The following ATP6V0A2 variants were observed in gnomAD, a reference collection of about 807,000 sequenced individuals.
ATP6V0A2 encodes V-type proton ATPase 116 kDa subunit a 2.
A neutral mutation model predicts 104.4 loss-of-function variants in ATP6V0A2; 58 were observed. That is an observed-to-expected ratio of 0.56 (90% CI 0.45 to 0.69). ATP6V0A2 has a LOEUF of 0.69. Ranked by LOEUF, ATP6V0A2 falls within the 30% of genes least tolerant of loss-of-function variation. The pLI is 0.00. For missense variants in ATP6V0A2, 938 were observed against 1,062.9 expected (o/e 0.88, Z 1.63); for synonymous variants, 376 against 397.9 (o/e 0.95, Z 0.65).
rs1016848989 is a variant in ATP6V0A2, at chr12:123,760,841, T to G, written c.*2809T>G. The G allele has an allele frequency of 6.6e-6, 1 of 152,188 alleles. No homozygotes were observed. The highest frequency in any genetic ancestry group is 2.4e-5 in the African/African-American group (1 of 41,446). The allele number at this position is 152,188 out of a possible 1,614,324, so 9.4% of individuals were successfully genotyped here. A position where few individuals can be genotyped will look rare whatever the true frequency, so the allele number is the denominator to read the frequency against. On this transcript the variant is annotated 3_prime_UTR_variant, in exon 20 of 20. Coordinates refer to ENST00000330342, the MANE Select transcript of ATP6V0A2 (RefSeq NM_012463.4). Reference sequence around the variant, plus strand: ...CCTCTTTCGCTGAATGCTGCTCTGTTTCTGGAATGGATATTTTATAACAAC... The same window carrying G: ...CCTCTTTCGCTGAATGCTGCTCTGTGTCTGGAATGGATATTTTATAACAAC...
intron 18 of ATP6V0A2, among the ~76,000 whole-genome samples, chr12:123,755,174 C>T (rs945248947): frequency 2.6e-5 from 4 of 152,214 alleles, no homozygotes; most frequent in East Asian, 1.9e-4. Context: ...CAGTGGTGCT[C>T]GGCAATGTTT....
Position 123,726,415 on chromosome 12 carries a change from T to G in ATP6V0A2, c.521+130T>G, listed in dbSNP as rs893717793. 25 of 720,774 alleles carry G rather than the reference T, an allele frequency of 3.5e-5. No individual in the cohort carries two copies. In the Admixed American group the frequency reaches 5.2e-4, roughly 15 times the overall value. The allele number at this position is 720,774 out of a possible 1,614,324, so 44.6% of individuals were successfully genotyped here. ...TGAATGAAACATAGTGAATATTTGT[T>G]TAAGAAACACTGTATTCCTGTACTT... On this transcript the variant is annotated intron_variant, in intron 5 of 19. Coordinates refer to ENST00000330342, the MANE Select transcript of ATP6V0A2 (RefSeq NM_012463.4).
chr12:123,756,519 T>C, intron 18 of ATP6V0A2: 2 of 360,690 alleles, frequency 5.5e-6, no homozygotes, highest in South Asian at 9.1e-5. Flanking sequence ...TGTTTCTGGC[T>C]GCCTGGTCCA....
chr12:123,717,570 G>C (rs1956356521), intron 1 of ATP6V0A2, among the ~76,000 whole-genome samples: 1 of 150,614 alleles, frequency 6.6e-6, no homozygotes, highest in South Asian at 2.1e-4. Flanking sequence ...ACAGCCTTCT[G>C]AGCAACTGGG....
intron 16 of ATP6V0A2, among the ~76,000 whole-genome samples, chr12:123,751,862 C>CTT (rs34862238): frequency 0.033 from 4,036 of 123,400 alleles, 179 homozygotes; most frequent in South Asian, 0.049. Context: ...TTCTTTCTTT[C>CTT]TTTTTTTTTT....
At position 123,747,602 on chromosome 12, in the gene ATP6V0A2, T is replaced by G. The variant is rs781485219; in HGVS notation, c.1606-5T>G. 9 of 1,593,842 alleles carry G rather than the reference T, an allele frequency of 5.6e-6. No homozygotes were observed. In the South Asian group the frequency reaches 9.9e-5, roughly 18 times the overall value. Reference sequence around the variant, plus strand: ...TCTGTTTTGTCTTGTTTGGTTTGGTTTTAGATTTGGAACTTGGCCACAAAT... The same window carrying G: ...TCTGTTTTGTCTTGTTTGGTTTGGTGTTAGATTTGGAACTTGGCCACAAAT... On this transcript the variant is annotated splice_polypyrimidine_tract_variant and splice_region_variant and intron_variant, in intron 13 of 19. Coordinates refer to ENST00000330342, the MANE Select transcript of ATP6V0A2 (RefSeq NM_012463.4).
chr12:123,731,016 A>C (rs1213941566), intron 6 of ATP6V0A2: 1 of 152,194 alleles, frequency 6.6e-6, no homozygotes, highest in Non-Finnish European at 1.5e-5. Flanking sequence ...TCTTATGCCA[A>C]ATTTTTATGG....
intron 1 of ATP6V0A2, among the ~76,000 whole-genome samples, chr12:123,714,178 C>T (rs528419996): frequency 2.0e-5 from 3 of 152,322 alleles, no homozygotes; most frequent in South Asian, 2.1e-4. Context: ...TTTGAGCAAA[C>T]GTACTAATCA....
intron 7 of ATP6V0A2, among the ~76,000 whole-genome samples, chr12:123,734,999 A>T (rs1371571230): frequency 1.3e-5 from 2 of 152,170 alleles, no homozygotes; most frequent in Non-Finnish European, 2.9e-5. Context: ...TTAACATATG[A>T]AGGTGGTCCG....
At position 123,757,983 on chromosome 12, in the gene ATP6V0A2, C is replaced by T; in HGVS notation, c.2522C>T (p.Ser841Leu). Residue 841 changes from serine to leucine, a missense_variant, in exon 20 of 20, where the codon TCA (serine) becomes TTA (leucine). Physicochemically the swap from Ser to Leu is moderately radical, Grantham distance 145. Coordinates refer to ENST00000330342, the MANE Select transcript of ATP6V0A2 (RefSeq NM_012463.4). ...VGAGTKFVPF[S>L]FSLLSSKFNN... ...GCAGGCACCAAATTTGTTCCTTTCT[C>T]ATTCAGTCTACTTTCATCAAAGTTC... The T allele has an allele frequency of 6.2e-7, 1 of 1,612,354 alleles. No homozygotes were observed. Among genetic ancestry groups the T allele is most frequent in the Non-Finnish European group, 8.5e-7 (1 of 1,179,638 alleles).
chr12:123,746,382 T>C (rs914756355), intron 13 of ATP6V0A2, among the ~76,000 whole-genome samples: 2 of 151,736 alleles, frequency 1.3e-5, no homozygotes, highest in Non-Finnish European at 2.9e-5. Flanking sequence ...TCAGCGAAGT[T>C]GACTGGCCTC....
intron 6 of ATP6V0A2, chr12:123,730,970 T>A (rs1956496702): frequency 6.6e-6 from 1 of 152,204 alleles, no homozygotes; most frequent in Non-Finnish European, 1.5e-5. Context: ...TCTCTCAAAG[T>A]GCTGGGATTA....
Position 123,712,656 on chromosome 12 carries a change from G to A in ATP6V0A2, c.91G>A (p.Glu31Lys). The A allele has an allele frequency of 6.2e-7, 1 of 1,610,096 alleles. No individual in the cohort carries two copies. The highest frequency in any genetic ancestry group is 2.2e-5 in the East Asian group (1 of 44,786). Residue 31 changes from glutamate (E) to lysine (K), a missense_variant, in exon 1 of 20, where the codon GAG becomes AAG. Glu to Lys is a moderately conservative substitution (Grantham distance 56). Coordinates refer to ENST00000330342, the MANE Select transcript of ATP6V0A2 (RefSeq NM_012463.4). ...CTACGAGTGCCTCAGCGCCCTGGGC[G>A]AGAAAGGCCTGGTCCAGTTCCGAGA... ...TAYECLSALG[E>K]KGLVQFRDLN...
chr12:123,749,000 T>A (rs1245873783), intron 15 of ATP6V0A2, among the ~76,000 whole-genome samples: 1 of 151,790 alleles, frequency 6.6e-6, no homozygotes, highest in Non-Finnish European at 1.5e-5. Context: ...TCAAAACGAG[T>A]AGGAAGAGGC....
intron 1 of ATP6V0A2, among the ~76,000 whole-genome samples, chr12:123,715,168 TTATAAA>T (rs1347564250): frequency 1.3e-5 from 2 of 152,206 alleles, no homozygotes; most frequent in African/African-American, 4.8e-5. Flanking sequence ...ATTTACCTCT[TTATAAA>T]TAAAGATTCT....
At chr12:123,740,567 G>T (rs114458420) in intron 9 of ATP6V0A2, among the ~76,000 whole-genome samples, 3,364 of 152,218 alleles carry the variant, frequency 0.022, 103 homozygotes, top group African/African-American at 0.055. Context: ...ATAGTCTTTG[G>T]TGGTGGTTTT....
In ATP6V0A2 at chr12:123,760,940, T is replaced by A. The variant is rs1956812486; in HGVS notation, c.*2908T>A. 6.6e-6 allele frequency: 1 copy of A among 152,256 alleles called. No homozygotes were observed. The highest frequency in any genetic ancestry group is 1.5e-5 in the Non-Finnish European group (1 of 68,074). The allele number at this position is 152,256 out of a possible 1,614,324, so 9.4% of individuals were successfully genotyped here. A position where few individuals can be genotyped will look rare whatever the true frequency, so the allele number is the denominator to read the frequency against. On this transcript the variant is annotated 3_prime_UTR_variant, in exon 20 of 20. Transcript: ENST00000330342. ...TATTTTTTTTGAGACAGTGTCTCAC[T>A]CTGTCACCTAGGCTGAAGTGCAGTG...
At chr12:123,735,161 G>A (rs1956539436) in intron 7 of ATP6V0A2, among the ~76,000 whole-genome samples, 1 of 145,554 alleles carries the variant, frequency 6.9e-6, no homozygotes, top group African/African-American at 2.6e-5. Context: ...GTGTGTGTGT[G>A]TGTGTCTGTG....
chr12:123,724,832 A>G, intron 4 of ATP6V0A2, 41 bp downstream of exon 4: 1 of 1,588,568 alleles, frequency 6.3e-7, no homozygotes, highest in South Asian at 1.1e-5. Context: ...GTTTTTATAA[A>G]CAGCTTTTTA....
Sources: gnomAD v4.1 joint callset for allele counts (sites outside exome capture counted in the v4.1 genomes callset) on GRCh38, gnomAD v4.1.1 for gene constraint, MANE v1.5 for transcripts, NCBI Gene and HGNC (gene_info 2026-07-23, HGNC 2026-07-21) for gene names.